The following RRAS2 variants were observed in gnomAD, a reference collection of about 807,000 sequenced individuals.
The protein encoded by RRAS2 is ras-related protein R-Ras2.
RRAS2 carries 7 observed loss-of-function variants against 27.6 expected under a neutral mutation model. The ratio of observed to expected loss-of-function variants is 0.25; its 90% CI spans 0.14 to 0.48. The LOEUF (loss-of-function observed/expected upper bound fraction) is 0.48. Ranked by LOEUF, RRAS2 falls within the 20% of genes least tolerant of loss-of-function variation. The pLI is 0.99. For missense variants in RRAS2, 178 were observed against 256.2 expected (o/e 0.69, Z 2.08); for synonymous variants, 86 against 90.9 (o/e 0.95, Z 0.31).
rs183378329 is a variant in RRAS2 at position 14,333,388 on chromosome 11, A to G, written c.108+25375T>C. ...TATACTCTAGAAAACTACACCAATT[A>G]TATTCCCTTAAGCTTATAAACTCAA... On this transcript the variant is annotated intron_variant, in intron 1 of 5. Transcript: ENST00000256196. 2.4e-4 allele frequency among the ~76,000 whole-genome samples: 36 copies of G among 152,294 alleles called. No individual in the cohort carries two copies. The East Asian group carries it at 5.4e-3, about 23-fold the overall frequency.
At chr11:14,331,572 C>T (rs1160569514) in intron 1 of RRAS2, among the ~76,000 whole-genome samples, 13 of 150,790 alleles carry the variant, frequency 8.6e-5, no homozygotes, top group African/African-American at 3.2e-4. Context: ...GGCATGGTGG[C>T]GCACATCTAT....
At chr11:14,336,060 A>G (rs1848583029) in intron 1 of RRAS2, among the ~76,000 whole-genome samples, 1 of 152,210 alleles carries the variant, frequency 6.6e-6, no homozygotes, top group Admixed American at 6.5e-5. Context: ...GTGTCAGGGA[A>G]GACCAAGTGG....
At position 14,324,335 on chromosome 11, in the gene RRAS2, G is replaced by C. The variant is rs560856798; in HGVS notation, c.109-28480C>G. Reference sequence around the variant, plus strand: ...CAAATAAAAGACACCATTTACAACAGCAACAGCAAATATATGATATGCAGG... The same window carrying C: ...CAAATAAAAGACACCATTTACAACACCAACAGCAAATATATGATATGCAGG... On this transcript the variant is annotated intron_variant, in intron 1 of 5. Transcript: ENST00000256196. Among the ~76,000 whole-genome samples the C allele has an allele frequency of 1.1e-4, 16 of 148,426 alleles. No individual in the cohort carries two copies. The South Asian group carries it at 3.4e-3, about 31-fold the overall frequency.
intron 1 of RRAS2, among the ~76,000 whole-genome samples, chr11:14,355,899 C>T (rs1369235821): frequency 2.0e-5 from 3 of 152,028 alleles, no homozygotes; most frequent in Non-Finnish European, 4.4e-5. Flanking sequence ...TTTAACATTC[C>T]AGGAGTCAGG....
At chr11:14,327,047 C>G in intron 1 of RRAS2, among the ~76,000 whole-genome samples, 1 of 13,826 alleles carries the variant, frequency 7.2e-5, no homozygotes. Context: ...GGCAACAGAG[C>G]GAGACTCTGT....
At chr11:14,364,310 C>G in intron 1 of RRAS2, 1 of 1,336,638 alleles carries the variant, frequency 7.5e-7, no homozygotes, top group Non-Finnish European at 1.0e-6. Flanking sequence ...CCTCTAACCT[C>G]ATCTGTAGCT....
chr11:14,332,194 T>C (rs1848493464), intron 1 of RRAS2, among the ~76,000 whole-genome samples: 2 of 152,214 alleles, frequency 1.3e-5, no homozygotes, highest in South Asian at 4.1e-4. Flanking sequence ...TATGAAAATG[T>C]AAGTCCAAAC....
intron 1 of RRAS2, among the ~76,000 whole-genome samples, chr11:14,318,691 A>G (rs1554949853): frequency 2.0e-5 from 3 of 152,218 alleles, no homozygotes; most frequent in Non-Finnish European, 4.4e-5. Context: ...GCAGTGGAAC[A>G]GCTGAGACAG....
intron 1 of RRAS2, 58 bp from the exon 2 acceptor site, chr11:14,295,913 C>A: frequency 6.7e-7 from 1 of 1,502,122 alleles, no homozygotes; most frequent in Non-Finnish European, 9.2e-7. Flanking sequence ...GTAGCTCACA[C>A]CTGTAATCCT....
chr11:14,297,192 C>T (rs570604411), intron 1 of RRAS2, among the ~76,000 whole-genome samples: 1 of 152,270 alleles, frequency 6.6e-6, no homozygotes, highest in South Asian at 2.1e-4. Context: ...AGCCCATTTT[C>T]CCACTGGCTC....
intron 1 of RRAS2, among the ~76,000 whole-genome samples, chr11:14,299,611 C>G (rs1264947479): frequency 6.6e-6 from 1 of 152,154 alleles, no homozygotes; most frequent in Non-Finnish European, 1.5e-5. Flanking sequence ...TACTTGAAAC[C>G]CTTCAGCCAA....
intron 4 of RRAS2, among the ~76,000 whole-genome samples, chr11:14,285,259 T>C (rs1849630868): frequency 6.6e-6 from 1 of 152,176 alleles, no homozygotes; most frequent in Non-Finnish European, 1.5e-5. Flanking sequence ...TTAAGAATCT[T>C]ACAACAGAGC....
intron 1 of RRAS2, among the ~76,000 whole-genome samples, chr11:14,316,919 T>C (rs1848120721): frequency 6.6e-6 from 1 of 152,156 alleles, no homozygotes; most frequent in Non-Finnish European, 1.5e-5. Context: ...CTACTTATAG[T>C]CAAGTAGGAG....
At chr11:14,334,485 T>G (rs1848550397) in intron 1 of RRAS2, among the ~76,000 whole-genome samples, 1 of 151,910 alleles carries the variant, frequency 6.6e-6, no homozygotes. Context: ...TGTAACCTAT[T>G]CAATTACTGA....
chr11:14,281,176 TCTTAATTTGAACAAG>T (rs1244328329), intron 5 of RRAS2, among the ~76,000 whole-genome samples: 3 of 152,242 alleles, frequency 2.0e-5, no homozygotes, highest in Non-Finnish European at 4.4e-5. Context: ...ATTTAATATG[TCTTAATTTGAACAAG>T]CTATTTAACT....
intron 1 of RRAS2, among the ~76,000 whole-genome samples, chr11:14,305,350 C>CTGGAT (rs1847807490): frequency 6.6e-6 from 1 of 152,246 alleles, no homozygotes; most frequent in South Asian, 2.1e-4. Context: ...AAAGCTACTA[C>CTGGAT]TGGATATGGC....
At chr11:14,295,736 T>C in intron 2 of RRAS2, 32 bp downstream of exon 2, 4 of 1,525,956 alleles carry the variant, frequency 2.6e-6, no homozygotes, top group Middle Eastern at 1.8e-4. Flanking sequence ...AAATATGATA[T>C]GCAAATTATC....
At chr11:14,284,123 C>T (rs1401825570) in intron 4 of RRAS2, among the ~76,000 whole-genome samples, 1 of 152,118 alleles carries the variant, frequency 6.6e-6, no homozygotes, top group Non-Finnish European at 1.5e-5. Flanking sequence ...AAGGAAGAAA[C>T]TAAAGGTCAT....
chr11:14,340,937 A>G (rs1032610416), intron 1 of RRAS2, among the ~76,000 whole-genome samples: 1 of 152,208 alleles, frequency 6.6e-6, no homozygotes, highest in African/African-American at 2.4e-5. Flanking sequence ...TTCCAAGAAC[A>G]CAGAATTCCT....
Sources: allele counts gnomAD v4.1 joint callset (sites outside exome capture counted in the v4.1 genomes callset), GRCh38; gene constraint gnomAD v4.1.1; transcripts MANE v1.5; gene names NCBI Gene and HGNC (gene_info 2026-07-23, HGNC 2026-07-21).